The following MEIKIN variants were observed in gnomAD, a reference collection of about 807,000 sequenced individuals.
MEIKIN encodes the protein meiotic kinetochore factor.
chr5:131,828,503 A>C (rs1312989010), intron 11 of MEIKIN, among the ~76,000 whole-genome samples: 5 of 152,216 alleles, frequency 3.3e-5, no homozygotes, highest in Non-Finnish European at 7.3e-5. Context: ...GAAATCTTCC[A>C]GAGAATAGAA....
At chr5:131,821,151 C>T (rs1161243516) in intron 11 of MEIKIN, among the ~76,000 whole-genome samples, 1 of 152,022 alleles carries the variant, frequency 6.6e-6, no homozygotes, top group African/African-American at 2.4e-5. Flanking sequence ...TCTAAATTTC[C>T]ATTAGTACTG....
At chr5:131,834,517 C>T (rs759585175) in intron 11 of MEIKIN, among the ~76,000 whole-genome samples, 61 of 152,204 alleles carry the variant, frequency 4.0e-4, no homozygotes, top group Non-Finnish European at 7.1e-4. Flanking sequence ...CTGTCAACCA[C>T]CATTCTACTC....
chr5:131,815,152 A>T (rs1231878376), intron 12 of MEIKIN, among the ~76,000 whole-genome samples: 1 of 152,162 alleles, frequency 6.6e-6, no homozygotes, highest in African/African-American at 2.4e-5. Context: ...CTTCTGATCA[A>T]GGAACTCACG....
intron 7 of MEIKIN, among the ~76,000 whole-genome samples, chr5:131,914,451 G>C (rs1751380300): frequency 6.8e-6 from 1 of 146,180 alleles, no homozygotes; most frequent in Non-Finnish European, 1.5e-5. Flanking sequence ...CAGACAGATG[G>C]AAGGAAGGGG....
chr5:131,935,261 T>A (rs1231212082), intron 4 of MEIKIN, among the ~76,000 whole-genome samples: 2 of 94,558 alleles, frequency 2.1e-5, no homozygotes, highest in African/African-American at 9.3e-5. Context: ...TGGAACCCCG[T>A]CTCTACAAAA....
intron 11 of MEIKIN, among the ~76,000 whole-genome samples, chr5:131,829,983 T>C (rs924382402): frequency 2.0e-4 from 30 of 152,198 alleles, no homozygotes; most frequent in African/African-American, 7.2e-4. Context: ...ACAGCATCTT[T>C]AAAGCATTAA....
Position 131,851,357 on chromosome 5 carries a change from T to C in MEIKIN, c.882A>G (p.Ala294=), listed in dbSNP as rs1442395277. The change falls in exon 11 of 13, where the codon GCA becomes GCG. Residue 294 remains alanine, a synonymous_variant. Coordinates refer to ENST00000442687, the MANE Select transcript of MEIKIN (RefSeq NM_001303622.2). ...FVIDLSSVQK[A]SFEELFPNVS... is the part of the protein sequence containing the mutation. Reference sequence around the variant, plus strand: ...CATTTGGAAATAGTTCTTCAAAAGATGCTTTTTGCACTGAGGACAAATCAA... The same window carrying C: ...CATTTGGAAATAGTTCTTCAAAAGACGCTTTTTGCACTGAGGACAAATCAA... The C allele has an allele frequency of 2.5e-6, 1 of 398,066 alleles. No homozygotes were observed. The highest frequency in any genetic ancestry group is 2.1e-5 in the African/African-American group (1 of 48,596). 24.7% of individuals were successfully genotyped at this position (398,066 alleles called of 1,614,324 possible).
chr5:131,941,262 G>A (rs1341576865), intron 4 of MEIKIN, among the ~76,000 whole-genome samples: 2 of 135,504 alleles, frequency 1.5e-5, no homozygotes, highest in Non-Finnish European at 3.0e-5. Context: ...GGGTTCAAGC[G>A]ATTCTCTTGT....
intron 8 of MEIKIN, among the ~76,000 whole-genome samples, chr5:131,895,507 C>T (rs1185870226): frequency 1.3e-5 from 2 of 152,236 alleles, no homozygotes; most frequent in South Asian, 2.1e-4. Context: ...AACTGGGAAT[C>T]AGTCTGGTCC....
At chr5:131,819,188 T>A (rs1412711225) in intron 11 of MEIKIN, among the ~76,000 whole-genome samples, 1 of 151,958 alleles carries the variant, frequency 6.6e-6, no homozygotes, top group Non-Finnish European at 1.5e-5. Flanking sequence ...GGAGAGAAAG[T>A]TTGCATGATT....
chr5:131,818,688 A>G (rs1264187629), intron 12 of MEIKIN, 52 bp downstream of exon 12: 1 of 393,318 alleles, frequency 2.5e-6, no homozygotes, highest in Non-Finnish European at 4.5e-6. Flanking sequence ...TTTTAATGAA[A>G]AAAATGTTTT....
intron 5 of MEIKIN, among the ~76,000 whole-genome samples, chr5:131,932,585 G>C (rs968162612): frequency 1.3e-5 from 2 of 152,202 alleles, no homozygotes; most frequent in Non-Finnish European, 2.9e-5. Flanking sequence ...CAAAGCCAGA[G>C]AGTGGAAAAG....
intron 12 of MEIKIN, among the ~76,000 whole-genome samples, chr5:131,812,239 C>G (rs1772971672): frequency 6.6e-6 from 1 of 152,036 alleles, no homozygotes; most frequent in East Asian, 1.9e-4. Context: ...TTGCATATAA[C>G]TTTATATTGT....
At chr5:131,921,014 C>T (rs1751494687) in intron 6 of MEIKIN, among the ~76,000 whole-genome samples, 1 of 152,038 alleles carries the variant, frequency 6.6e-6, no homozygotes, top group African/African-American at 2.4e-5. Context: ...AACTTCATTC[C>T]TATCACGAGG....
At chr5:131,850,213 G>A (rs1054110468) in intron 11 of MEIKIN, among the ~76,000 whole-genome samples, 9 of 152,146 alleles carry the variant, frequency 5.9e-5, no homozygotes, top group Non-Finnish European at 1.3e-4. Context: ...CACATCCCAT[G>A]TTTATGGATT....
At chr5:131,809,452 C>G (rs1427568529) in intron 12 of MEIKIN, among the ~76,000 whole-genome samples, 1 of 152,170 alleles carries the variant, frequency 6.6e-6, no homozygotes, top group African/African-American at 2.4e-5. Flanking sequence ...GGTGGCATAA[C>G]CCAATTTACC....
chr5:131,931,216 T>C (rs1272218045), intron 5 of MEIKIN, among the ~76,000 whole-genome samples: 3 of 152,234 alleles, frequency 2.0e-5, no homozygotes, highest in Non-Finnish European at 2.9e-5. Flanking sequence ...TGTCAGATCT[T>C]GTCAACATTG....
At chr5:131,911,083 A>G (rs1262472972) in intron 8 of MEIKIN, among the ~76,000 whole-genome samples, 42 of 152,212 alleles carry the variant, frequency 2.8e-4, no homozygotes, top group Non-Finnish European at 5.9e-5. Context: ...GCTCCTTCCA[A>G]GGATTTTGTG....
chr5:131,903,573 A>G (rs1751194128), intron 8 of MEIKIN, among the ~76,000 whole-genome samples: 1 of 152,204 alleles, frequency 6.6e-6, no homozygotes, highest in African/African-American at 2.4e-5. Flanking sequence ...CAAAGGAGAA[A>G]TAAGATCCTT....
Sources: allele counts gnomAD v4.1 joint callset (sites outside exome capture counted in the v4.1 genomes callset), GRCh38; gene constraint gnomAD v4.1.1; transcripts MANE v1.5; gene names NCBI Gene and HGNC (gene_info 2026-07-23, HGNC 2026-07-21).